Variants in SHISA6 observed in about 807,000 individuals in gnomAD.
SHISA6 encodes the protein shisa family member 6.
In SHISA6, 22 loss-of-function variants were observed where a neutral mutation model predicts 47.9. That is an observed-to-expected ratio of 0.46 (90% CI 0.33 to 0.66). The LOEUF (loss-of-function observed/expected upper bound fraction) is 0.66, where lower values mean the gene tolerates loss of function less well. SHISA6 is among the 30% of genes least tolerant of loss of function. The pLI, the probability that SHISA6 is intolerant of heterozygous loss-of-function variation, is 0.02. For missense variants in SHISA6, 680 were observed against 764.6 expected (o/e 0.89, Z 1.30); for synonymous variants, 388 against 337.8 (o/e 1.15, Z -1.63).
At chr17:11,433,871 C>T (rs1914861432) in intron 3 of SHISA6, among the ~76,000 whole-genome samples, 1 of 152,064 alleles carries the variant, frequency 6.6e-6, no homozygotes, top group Non-Finnish European at 1.5e-5. Flanking sequence ...ACCTGGGGAT[C>T]TGCCATCCAA....
At chr17:11,285,996 C>T (rs748411533) in intron 2 of SHISA6, among the ~76,000 whole-genome samples, 20 of 152,046 alleles carry the variant, frequency 1.3e-4, no homozygotes, top group Non-Finnish European at 2.9e-4. Flanking sequence ...GCCACCACGC[C>T]TGGCTAATAT....
chr17:11,317,635 GT>G (rs1289223549), intron 2 of SHISA6, among the ~76,000 whole-genome samples: 1 of 151,180 alleles, frequency 6.6e-6, no homozygotes, highest in African/African-American at 2.4e-5. Flanking sequence ...CTTTGTTTTT[GT>G]TTTGCTTACT....
intron 5 of SHISA6, 70 bp from the exon 6 acceptor site, chr17:11,557,684 A>G: frequency 7.0e-7 from 1 of 1,421,052 alleles, no homozygotes; most frequent in South Asian, 1.4e-5. Context: ...GGAGCGGGGC[A>G]GGGTTCTATC....
chr17:11,289,178 C>T (rs1018025301), intron 2 of SHISA6: 1 of 152,032 alleles, frequency 6.6e-6, no homozygotes, highest in Non-Finnish European at 1.5e-5. Context: ...AAGGGGATAT[C>T]TATTTAAATA....
intron 3 of SHISA6, among the ~76,000 whole-genome samples, chr17:11,514,481 C>T (rs2071566387): frequency 6.6e-6 from 1 of 152,160 alleles, no homozygotes; most frequent in Admixed American, 6.6e-5. Flanking sequence ...ATTTTAGCCG[C>T]TCTGAAATGA....
chr17:11,430,447 T>G (rs1345169308), intron 3 of SHISA6, among the ~76,000 whole-genome samples: 1 of 152,204 alleles, frequency 6.6e-6, no homozygotes, highest in Non-Finnish European at 1.5e-5. Flanking sequence ...TCCTGCCTTC[T>G]GCTAAATCCA....
chr17:11,248,312 G>A (rs1489757632), intron 1 of SHISA6, among the ~76,000 whole-genome samples: 3 of 152,036 alleles, frequency 2.0e-5, no homozygotes, highest in African/African-American at 7.3e-5. Flanking sequence ...GAATTATAAC[G>A]TTTTCATTGC....
Position 11,241,946 on chromosome 17 carries a change from A to C in SHISA6, c.524A>C (p.Asn175Thr). 1 of 1,550,958 alleles carries C rather than the reference A, an allele frequency of 6.4e-7. No homozygotes were observed. The highest frequency in any genetic ancestry group is 8.7e-7 in the Non-Finnish European group (1 of 1,147,004). ...TACGACCCGGAGAAGGACAAGACCA[A>C]CTTCACCGTCTACATCACCTGCGGG... The part of the protein sequence containing the change: ...NKYDPEKDKT[N>T]FTVYITCGVI... Residue 175 changes from asparagine (N) to threonine (T), a missense_variant, in exon 1 of 6, where the codon AAC becomes ACC. Asn to Thr is a moderately conservative substitution (Grantham distance 65). Around this residue, in one of 2 missense-constraint regions of SHISA6, gnomAD observed 559 missense variants for 674.1 expected, o/e 0.83. Coordinates refer to ENST00000441885, the MANE Select transcript of SHISA6 (RefSeq NM_207386.4). This position sits in a 1 kb window ranked among gnomAD's most constrained non-coding sequence, Gnocchi z 5.5.
intron 3 of SHISA6, among the ~76,000 whole-genome samples, chr17:11,543,918 A>G (rs935927855): frequency 6.7e-6 from 1 of 150,214 alleles, no homozygotes; most frequent in African/African-American, 2.4e-5. Context: ...AGCAAAAAAA[A>G]AAAAAAAACA....
chr17:11,265,979 G>C (rs1324984619), intron 2 of SHISA6, among the ~76,000 whole-genome samples: 2 of 152,186 alleles, frequency 1.3e-5, no homozygotes, highest in Non-Finnish European at 2.9e-5. Context: ...TTTGCGCTTA[G>C]AGATGGGAAT....
chr17:11,341,955 A>G (rs1339208677), intron 2 of SHISA6, among the ~76,000 whole-genome samples: 3 of 152,160 alleles, frequency 2.0e-5, no homozygotes, highest in African/African-American at 7.2e-5. Context: ...GGGCCAGCCC[A>G]GAGATGACAG....
At chr17:11,523,187 G>A (rs1266452783) in intron 3 of SHISA6, among the ~76,000 whole-genome samples, 5 of 152,186 alleles carry the variant, frequency 3.3e-5, no homozygotes, top group African/African-American at 7.2e-5. Flanking sequence ...GTAAAGGCAC[G>A]TTCTAGGGCT....
intron 3 of SHISA6, among the ~76,000 whole-genome samples, chr17:11,486,619 T>G (rs1916354938): frequency 6.6e-6 from 1 of 152,244 alleles, no homozygotes; most frequent in African/African-American, 2.4e-5. Context: ...TATCCTTAAG[T>G]GCCTTTCCTC....
chr17:11,298,523 T>C (rs2142175328), intron 2 of SHISA6, among the ~76,000 whole-genome samples: 1 of 152,280 alleles, frequency 6.6e-6, no homozygotes, highest in Middle Eastern at 3.4e-3. Flanking sequence ...ATTATCATGA[T>C]AGACTACTGA....
chr17:11,473,455 T>G (rs1472840597), intron 3 of SHISA6, among the ~76,000 whole-genome samples: 1 of 152,094 alleles, frequency 6.6e-6, no homozygotes, highest in African/African-American at 2.4e-5. Flanking sequence ...GGAGAAACAC[T>G]GTTCCTCACA....
intron 3 of SHISA6, among the ~76,000 whole-genome samples, chr17:11,539,044 A>G (rs2142377327): frequency 6.6e-6 from 1 of 152,254 alleles, no homozygotes; most frequent in East Asian, 1.9e-4. Context: ...AGGTTCAAAC[A>G]ATTCTCCTGT....
intron 2 of SHISA6, among the ~76,000 whole-genome samples, chr17:11,302,526 T>C (rs1466998638): frequency 6.6e-6 from 1 of 152,196 alleles, no homozygotes; most frequent in Non-Finnish European, 1.5e-5. Context: ...ATGGTACATC[T>C]GGTACATGAA....
rs2072039285 is a variant in SHISA6, at chr17:11,561,145, C to T, written c.*2841C>T. The T allele has an allele frequency of 6.6e-6, 1 of 152,166 alleles. No homozygotes were observed. The allele number at this position is 152,166 out of a possible 1,614,324, so 9.4% of individuals were successfully genotyped here. A position where few individuals can be genotyped will look rare whatever the true frequency, so the allele number is the denominator to read the frequency against. On this transcript the variant is annotated 3_prime_UTR_variant, in exon 6 of 6. Transcript: ENST00000441885. ...TAAAAGAGGCTTCTGGGGCTGGAAC[C>T]TAGATGCCATGATTTCTAGCCCAAC...
At chr17:11,534,162 T>TC (rs62687562) in intron 3 of SHISA6, among the ~76,000 whole-genome samples, 2 of 36,750 alleles carry the variant, frequency 5.4e-5, no homozygotes, top group African/African-American at 2.1e-4. Flanking sequence ...TTTTTCTTTT[T>TC]TTTTTTTTTT....
Sources: allele counts gnomAD v4.1 joint callset (sites outside exome capture counted in the v4.1 genomes callset), GRCh38; gene constraint gnomAD v4.1.1; regional missense constraint gnomAD v4.1.1; non-coding constraint Gnocchi (gnomAD v3.1); transcripts MANE v1.5; gene names NCBI Gene and HGNC (gene_info 2026-07-23, HGNC 2026-07-21).